Variants in HDAC8 observed in about 807,000 individuals in gnomAD.
HDAC8 encodes histone deacetylase-like 1.
Under a neutral mutation model 32.2 loss-of-function variants are expected in HDAC8, and 1 was observed. That is an observed-to-expected ratio of 0.03 (90% CI 0.01 to 0.15). The LOEUF (loss-of-function observed/expected upper bound fraction) is 0.15. HDAC8 is among the 10% of genes least tolerant of loss of function. The probability of loss-of-function intolerance (pLI) is 1.00; values close to 1 mark genes in which losing one functional copy is unlikely to be tolerated. For missense variants in HDAC8, 117 were observed against 300.0 expected, an observed-to-expected ratio of 0.39 and a Z score of 4.51; for synonymous variants, 108 against 113.9, an observed-to-expected ratio of 0.95 and a Z score of 0.33.
At chrX:72,397,143 C>T (rs1020155824) in intron 9 of HDAC8, among the ~76,000 whole-genome samples, 2 of 110,998 alleles carry the variant, frequency 1.8e-5, no homozygotes, top group South Asian at 7.7e-4. Context: ...TCATGACTCA[C>T]TATCACGAGG....
chrX:72,380,013 G>A (rs1392864353), intron 9 of HDAC8, among the ~76,000 whole-genome samples: 1 of 111,309 alleles, frequency 9.0e-6, no homozygotes, highest in Non-Finnish European at 1.9e-5. Flanking sequence ...CTTGTACAGA[G>A]CTTGAAGTTC....
At chrX:72,394,473 C>T (rs2045703415) in intron 9 of HDAC8, among the ~76,000 whole-genome samples, 1 of 112,033 alleles carries the variant, frequency 8.9e-6, no homozygotes, top group African/African-American at 3.2e-5. Context: ...AGTGACAGGG[C>T]CACCTGACGT....
chrX:72,387,825 G>C (rs1235204449), intron 9 of HDAC8, among the ~76,000 whole-genome samples: 1 of 111,310 alleles, frequency 9.0e-6, no homozygotes, highest in African/African-American at 3.3e-5. Flanking sequence ...TTTTGCCCTT[G>C]AATTTAGTAT....
chrX:72,452,029 A>G (rs1346463528), intron 9 of HDAC8, among the ~76,000 whole-genome samples: 1 of 112,654 alleles, frequency 8.9e-6, no homozygotes, highest in Non-Finnish European at 1.9e-5. Flanking sequence ...AGCCAAAAAA[A>G]GAATACTAGA....
chrX:72,389,467 C>G (rs973523825), intron 9 of HDAC8, among the ~76,000 whole-genome samples: 5 of 111,994 alleles, frequency 4.5e-5, no homozygotes, highest in African/African-American at 1.6e-4. Context: ...GGCTTTCTCA[C>G]TTACTAGCCC....
chrX:72,532,192 T>TTCTC (rs1395260888), intron 4 of HDAC8, among the ~76,000 whole-genome samples: 1 of 108,017 alleles, frequency 9.3e-6, no homozygotes, highest in Non-Finnish European at 1.9e-5. Flanking sequence ...TCAAGCTATC[T>TTCTC]TCTCACCACA....
intron 7 of HDAC8, chrX:72,474,329 C>T (rs1374138049): frequency 6.6e-6 from 5 of 757,921 alleles, no homozygotes; most frequent in Non-Finnish European, 7.9e-6. Context: ...TTTCCACTAA[C>T]TTCCTCGAGG....
chrX:72,493,725 C>T (rs1033412410), intron 5 of HDAC8, among the ~76,000 whole-genome samples: 20 of 111,571 alleles, frequency 1.8e-4, no homozygotes, highest in African/African-American at 6.2e-4. Flanking sequence ...GAGACAATGG[C>T]TTGGTCTGTC....
chrX:72,463,520 C>T (rs1365532712), intron 8 of HDAC8, among the ~76,000 whole-genome samples: 1 of 112,024 alleles, frequency 8.9e-6, no homozygotes, highest in Non-Finnish European at 1.9e-5. Flanking sequence ...CTTAGCTGTA[C>T]CTGTATCATA....
In HDAC8 at chrX:72,343,542, G is replaced by A. The variant is rs142751375; in HGVS notation, c.1111+8191C>T. ...TGTTCCCAAATGTCACCTCCTCCGA[G>A]AGGTCTTTACTGAATAGCATCCCTC... On this transcript the variant is annotated intron_variant, in intron 10 of 10. Transcript: ENST00000373573. Among the ~76,000 whole-genome samples the A allele has an allele frequency of 3.5e-3, 385 of 111,199 alleles. 3 individuals carry two copies. Among genetic ancestry groups the A allele is most frequent in the African/African-American group, 0.012 (356 of 30,578 alleles).
chrX:72,386,039 G>A (rs2045416904), intron 9 of HDAC8, among the ~76,000 whole-genome samples: 1 of 111,976 alleles, frequency 8.9e-6, no homozygotes. Context: ...AATGGACTGT[G>A]GTGGTAAAAA....
At chrX:72,508,701 A>G (rs912181776) in intron 4 of HDAC8, among the ~76,000 whole-genome samples, 18 of 111,961 alleles carry the variant, frequency 1.6e-4, no homozygotes, top group African/African-American at 5.2e-4. Flanking sequence ...ATAAAGGCCA[A>G]TGTGGCCATC....
intron 9 of HDAC8, among the ~76,000 whole-genome samples, chrX:72,383,953 T>C (rs146553336): frequency 0.015 from 1,635 of 110,473 alleles, 17 homozygotes; most frequent in Non-Finnish European, 0.021. Context: ...GGTGTACTTC[T>C]GGCATCAGTG....
chrX:72,479,257 A>G (rs2048428283), intron 7 of HDAC8, among the ~76,000 whole-genome samples: 1 of 111,879 alleles, frequency 8.9e-6, no homozygotes, highest in African/African-American at 3.3e-5. Context: ...CAGAGCAGTG[A>G]CTAAAGAATG....
intron 9 of HDAC8, among the ~76,000 whole-genome samples, chrX:72,356,190 G>A (rs781912299): frequency 8.0e-5 from 9 of 111,867 alleles, no homozygotes; most frequent in South Asian, 3.8e-4. Flanking sequence ...TTGAACTCAC[G>A]TCATTCTGAA....
intron 4 of HDAC8, among the ~76,000 whole-genome samples, chrX:72,515,588 G>T (rs1405199008): frequency 3.5e-4 from 10 of 28,607 alleles, no homozygotes; most frequent in African/African-American, 2.4e-3. Context: ...CAGTGTGTGT[G>T]GGGGGGGGGT....
rs782365814 is a variant in HDAC8 at position 72,329,653 on chromosome X, A to G, written c.*401T>C. 8.5e-7 allele frequency: 1 copy of G among 1,181,257 alleles called. No homozygotes were observed. The highest frequency in any genetic ancestry group is 2.4e-5 in the Admixed American group (1 of 41,684). ...CCACCTGGATGGTCCTGAGGCCCAA[A>G]CCCTGCCTGTCAGCTGCCTCCTGCC... On this transcript the variant is annotated 3_prime_UTR_variant, in exon 11 of 11. Transcript: ENST00000373573.
intron 7 of HDAC8, among the ~76,000 whole-genome samples, chrX:72,484,832 A>G (rs1055061298): frequency 8.9e-6 from 1 of 112,203 alleles, no homozygotes; most frequent in Admixed American, 9.5e-5. Context: ...ATCCTTAACT[A>G]TAAATGCTCC....
At chrX:72,346,564 A>G (rs1181487786) in intron 10 of HDAC8, among the ~76,000 whole-genome samples, 3 of 112,210 alleles carry the variant, frequency 2.7e-5, no homozygotes, top group African/African-American at 9.7e-5. Context: ...ACGCAGCACA[A>G]TGGTTCTCCT....
Sources: gnomAD v4.1 joint callset for allele counts (sites outside exome capture counted in the v4.1 genomes callset) on GRCh38, gnomAD v4.1.1 for gene constraint, MANE v1.5 for transcripts, NCBI Gene and HGNC (gene_info 2026-07-23, HGNC 2026-07-21) for gene names.